ADGRG3: variants seen among roughly 807,000 people sequenced by gnomAD.
ADGRG3 encodes the protein adhesion G protein-coupled receptor G3.
In ADGRG3, 39 loss-of-function variants were observed where a neutral mutation model predicts 54.3. That is an observed-to-expected ratio of 0.72 (90% CI 0.56 to 0.94). ADGRG3 has a LOEUF of 0.94. ADGRG3 is among the 40% of genes least tolerant of loss of function. The pLI is 0.00. For missense variants in ADGRG3, 654 were observed against 694.6 expected, an observed-to-expected ratio of 0.94 and a Z score of 0.66; for synonymous variants, 312 against 290.0, an observed-to-expected ratio of 1.08 and a Z score of -0.77.
Position 57,685,941 on chromosome 16 carries a change from C to G in ADGRG3, c.1540+15C>G. 1 of 1,611,368 alleles carries G rather than the reference C, an allele frequency of 6.2e-7. No homozygotes were observed. The highest frequency in any genetic ancestry group is 8.5e-7 in the Non-Finnish European group (1 of 1,178,168). ...CTCCTTGCAAGGTGAGGCCCCTGCA[C>G]CAGGGAGGTGATGGGCTGTGTTGTC... is the stretch of plus-strand genomic sequence containing the variant. On this transcript the variant is annotated intron_variant, in intron 11 of 11. Transcript: ENST00000333493.
Position 57,679,291 on chromosome 16 carries a change from T to C in ADGRG3, c.607T>C (p.Ser203Pro), listed in dbSNP as rs1270660208. The C allele has an allele frequency of 6.2e-7, 1 of 1,613,754 alleles. No individual in the cohort carries two copies. The highest frequency in any genetic ancestry group is 1.7e-5 in the Admixed American group (1 of 59,994). Reference protein sequence around the residue: ...KLAEPLEIVFSHQRPPPNMTL... With the variant: ...KLAEPLEIVFPHQRPPPNMTL... ...GGCTGAGCCTCTGGAGATCGTCTTCTCTCACCAGCGACCGCCCCCTGTGAG... is the reference window on the plus strand; with the variant it reads ...GGCTGAGCCTCTGGAGATCGTCTTCCCTCACCAGCGACCGCCCCCTGTGAG... The change falls in exon 5 of 12, where the codon TCT (serine) becomes CCT (proline). Residue 203 changes from serine (S) to proline (P), a missense_variant. Coordinates refer to ENST00000333493, the MANE Select transcript of ADGRG3 (RefSeq NM_170776.5).
chr16:57,680,577 A>T lies in ADGRG3; in HGVS notation c.841A>T (p.Ile281Phe), dbSNP rs139296159. 1.7e-5 allele frequency: 28 copies of T among 1,613,418 alleles called. No individual in the cohort carries two copies. In the African/African-American group the frequency reaches 2.9e-4, roughly 17 times the overall value. ...CCAGGCGGGCTGTGGGGTCTCCATG[A>T]TCTTCCTGGCCTTCACCATTATTCT... is the stretch of plus-strand genomic sequence containing the variant. ...ISQAGCGVSM[I>F]FLAFTIILYA... The change falls in exon 8 of 12, where the codon ATC becomes TTC. Residue 281 changes from isoleucine to phenylalanine, a missense_variant. Ile to Phe is a conservative substitution (Grantham distance 21, BLOSUM62 0). Transcript: ENST00000333493.
chr16:57,671,967 T>C (rs116278335), intron 1 of ADGRG3, among the ~76,000 whole-genome samples: 2,460 of 152,236 alleles, frequency 0.016, 58 homozygotes, highest in African/African-American at 0.056. Flanking sequence ...GAGATCAGCC[T>C]GGGCAACACA....
chr16:57,679,136 C>A (rs761846141), intron 4 of ADGRG3, 41 bp from the exon 5 acceptor site: 3 of 1,610,154 alleles, frequency 1.9e-6, no homozygotes, highest in South Asian at 2.2e-5. Flanking sequence ...GTTGGGATGG[C>A]CCCTTCTGCA....
At chr16:57,671,245 G>A (rs2048150772) in intron 1 of ADGRG3, among the ~76,000 whole-genome samples, 2 of 150,080 alleles carry the variant, frequency 1.3e-5, no homozygotes, top group South Asian at 4.3e-4. Context: ...TTGAGTGAGA[G>A]TATAAATAGG....
chr16:57,689,369 G>A lies in ADGRG3; in HGVS notation c.*908G>A, dbSNP rs1361503615. On this transcript the variant is annotated 3_prime_UTR_variant, in exon 12 of 12. Coordinates refer to ENST00000333493, the MANE Select transcript of ADGRG3 (RefSeq NM_170776.5). ...CGTGGCAAACCTTGAATAAATATTTGTTGGCTGAATGAGTGGATGTATGAG... is the reference window on the plus strand; with the variant it reads ...CGTGGCAAACCTTGAATAAATATTTATTGGCTGAATGAGTGGATGTATGAG... 3.1e-5 allele frequency: 5 copies of A among 163,722 alleles called. No homozygotes were observed. In the East Asian group the frequency reaches 7.4e-4, roughly 24 times the overall value. 10.1% of individuals were successfully genotyped at this position (163,722 alleles called of 1,614,324 possible).
intron 2 of ADGRG3, among the ~76,000 whole-genome samples, chr16:57,675,660 G>C (rs2048249777): frequency 6.6e-6 from 1 of 152,138 alleles, no homozygotes. Flanking sequence ...ACTGATACAT[G>C]CTACAACATA....
chr16:57,672,863 T>C (rs1377666565), intron 1 of ADGRG3, among the ~76,000 whole-genome samples: 5 of 152,172 alleles, frequency 3.3e-5, no homozygotes, highest in African/African-American at 1.2e-4. Flanking sequence ...TACATCATTT[T>C]TTAAATTTAC....
chr16:57,674,202 A>T (rs2048216401), intron 2 of ADGRG3, among the ~76,000 whole-genome samples: 1 of 152,054 alleles, frequency 6.6e-6, no homozygotes, highest in Admixed American at 6.6e-5. Context: ...GGTGGGAGTG[A>T]GGGCCAAGTC....
rs759174129 is a variant in ADGRG3 at position 57,688,389 on chromosome 16, C to G, written c.1578C>G (p.Leu526=). 6.8e-6 allele frequency: 11 copies of G among 1,613,568 alleles called. No individual in the cohort carries two copies. Among genetic ancestry groups the G allele is most frequent in the African/African-American group, 1.3e-5 (1 of 74,910 alleles). ...GCTGCTGGTTCACCATCCTTTACCT[C>G]CCAAGTCAGAGCACCACAGTCTCCT... ...FICCWFTILY[L]PSQSTTVSSS... Residue 526 remains leucine, a synonymous_variant, in exon 12 of 12, where the codon CTC becomes CTG. Transcript: ENST00000333493.
chr16:57,681,668 G>A (rs144428934), intron 8 of ADGRG3, among the ~76,000 whole-genome samples: 4,959 of 143,236 alleles, frequency 0.035, 302 homozygotes, highest in African/African-American at 0.12. Flanking sequence ...GGAGGTTGCA[G>A]TGAGCCGAGA....
At chr16:57,682,445 C>G (rs2048391105) in intron 8 of ADGRG3, 2 of 979,808 alleles carry the variant, frequency 2.0e-6, no homozygotes, top group Non-Finnish European at 2.4e-6. Context: ...ACAGACCAAC[C>G]CATGAGTGTA....
intron 8 of ADGRG3, among the ~76,000 whole-genome samples, chr16:57,683,558 C>A (rs1376654342): frequency 1.3e-5 from 2 of 152,212 alleles, no homozygotes; most frequent in Non-Finnish European, 2.9e-5. Context: ...TTCTTGCTCA[C>A]CCGTCCCATT....
At chr16:57,675,786 G>C (rs1450648302) in intron 2 of ADGRG3, among the ~76,000 whole-genome samples, 2 of 152,178 alleles carry the variant, frequency 1.3e-5, no homozygotes, top group African/African-American at 4.8e-5. Context: ...ACAGAAGGCA[G>C]ATTAGTGATT....
Position 57,678,881 on chromosome 16 carries a change from A to G in ADGRG3, c.493-296A>G, listed in dbSNP as rs537538651. 6.5e-6 allele frequency: 3 copies of G among 464,092 alleles called. No homozygotes were observed. In the South Asian group the frequency reaches 7.9e-5, roughly 12 times the overall value. The allele number at this position is 464,092 out of a possible 1,614,324, so 28.7% of individuals were successfully genotyped here. On this transcript the variant is annotated intron_variant, in intron 4 of 11. Coordinates refer to ENST00000333493, the MANE Select transcript of ADGRG3 (RefSeq NM_170776.5). Reference sequence around the variant, plus strand: ...CCCGCTGACTTCCATTTCTTGGCTGATCTTGGCCCCATGCCCCCTCTAGTT... The same window carrying G: ...CCCGCTGACTTCCATTTCTTGGCTGGTCTTGGCCCCATGCCCCCTCTAGTT...
At chr16:57,667,314 G>A (rs1312252557), upstream of ADGRG3, among the ~76,000 whole-genome samples, 1 of 152,252 alleles carries the variant, frequency 6.6e-6, no homozygotes, top group South Asian at 2.1e-4. Flanking sequence ...ACACACCTTG[G>A]TGGGATGCCC....
In ADGRG3 at chr16:57,678,301, A is replaced by G; in HGVS notation, c.477A>G (p.Pro159=). ...CCGTCACCATTCTGGACATTGGTCC[A>G]GGGACTCTCTTCAAGGTGAGGACTC... ...RLAVTILDIG[P]GTLFKGPRLG... The change falls in exon 4 of 12, where the codon CCA becomes CCG. Residue 159 remains proline, a synonymous_variant. Transcript: ENST00000333493. 6.2e-7 allele frequency: 1 copy of G among 1,614,208 alleles called. No individual in the cohort carries two copies. Among genetic ancestry groups the G allele is most frequent in the Non-Finnish European group, 8.5e-7 (1 of 1,180,010 alleles).
chr16:57,668,266 G>C (rs1422216391), upstream of ADGRG3: 3 of 1,149,806 alleles, frequency 2.6e-6, no homozygotes, highest in East Asian at 5.1e-5. Context: ...GCTGCAGGGT[G>C]GGGGCAGGCC....
chr16:57,680,123 C>A, intron 6 of ADGRG3, 142 bp from the exon 7 acceptor site: 3 of 352,194 alleles, frequency 8.5e-6, no homozygotes, highest in South Asian at 6.2e-5. Flanking sequence ...TCCCTATATT[C>A]CCTTCCCCTC....
Sources: allele counts gnomAD v4.1 joint callset (sites outside exome capture counted in the v4.1 genomes callset), GRCh38; gene constraint gnomAD v4.1.1; transcripts MANE v1.5; gene names NCBI Gene and HGNC (gene_info 2026-07-23, HGNC 2026-07-21).